RASA2: variants seen among roughly 807,000 people sequenced by gnomAD.
RASA2 encodes the protein RAS p21 protein activator 2, also known as ras GTPase-activating protein 2.
In RASA2, 155 loss-of-function variants were observed where a neutral mutation model predicts 118.2. That is an observed-to-expected ratio of 1.31 (90% CI 1.15 to 1.50). The LOEUF is 1.50. Among genes scored for constraint, RASA2 ranks in the 40% most tolerant of loss-of-function variants. The pLI is 0.00. For synonymous variants in RASA2, 353 were observed against 349.1 expected (o/e 1.01, Z -0.12); for missense variants, 1,016 against 1,009.6 (o/e 1.01, Z -0.09).
At chr3:141,539,491 G>A (rs2082375658) in intron 4 of RASA2, among the ~76,000 whole-genome samples, 1 of 152,074 alleles carries the variant, frequency 6.6e-6, no homozygotes, top group Non-Finnish European at 1.5e-5. Flanking sequence ...TAGTGAGGGT[G>A]TTTCAGGTTA....
chr3:141,559,304 T>C (rs1016516847), intron 8 of RASA2, among the ~76,000 whole-genome samples: 1 of 152,160 alleles, frequency 6.6e-6, no homozygotes, highest in South Asian at 2.1e-4. Flanking sequence ...AGAAATTTTT[T>C]TTTATTCTTC....
rs528237096 is a variant in RASA2, at chr3:141,526,322, C to G, written c.356-3386C>G. Among the ~76,000 whole-genome samples, 3 of 152,150 alleles carry G rather than the reference C, an allele frequency of 2.0e-5. No individual in the cohort carries two copies. The East Asian group carries it at 5.8e-4, about 29-fold the overall frequency. ...CCAGTTTAGTGATTAAACAACAAAT[C>G]AGAATCGTGAGGCTTTTTTTTTTAT... On this transcript the variant is annotated intron_variant, in intron 3 of 23. Coordinates refer to ENST00000286364, the MANE Select transcript of RASA2 (RefSeq NM_006506.5).
At chr3:141,528,179 C>G (rs1372048724) in intron 3 of RASA2, among the ~76,000 whole-genome samples, 2 of 151,706 alleles carry the variant, frequency 1.3e-5, no homozygotes, top group African/African-American at 4.8e-5. Flanking sequence ...AATACAGTTA[C>G]AAACTCTTTA....
intron 15 of RASA2, chr3:141,579,423 A>G (rs542499352): frequency 3.9e-5 from 6 of 152,206 alleles, no homozygotes; most frequent in Non-Finnish European, 8.8e-5. Context: ...GCTACTATAT[A>G]TTACTTCTTT....
At chr3:141,501,823 A>G (rs1031027338) in intron 1 of RASA2, among the ~76,000 whole-genome samples, 2 of 152,016 alleles carry the variant, frequency 1.3e-5, no homozygotes, top group African/African-American at 4.8e-5. Context: ...ACTATATCAT[A>G]TTTTTAAATG....
rs564412700 is a variant in RASA2 at position 141,536,799 on chromosome 3, G to T, written c.451-3734G>T. 3.6e-4 allele frequency among the ~76,000 whole-genome samples: 53 copies of T among 148,524 alleles called. No homozygotes were observed. In the South Asian group the frequency reaches 0.011, roughly 31 times the overall value. On this transcript the variant is annotated intron_variant, in intron 4 of 23. Transcript: ENST00000286364. ...TTTTTTGAGATGGAGTTCTGCTGGA[G>T]TGCAATGGTGTGATCTCAGTTCACC...
At chr3:141,496,715 T>C (rs2081707673) in intron 1 of RASA2, among the ~76,000 whole-genome samples, 1 of 152,192 alleles carries the variant, frequency 6.6e-6, no homozygotes, top group Admixed American at 6.5e-5. Flanking sequence ...ACACTGTTGG[T>C]GGGACTGTAA....
chr3:141,493,401 G>A (rs1250870747), intron 1 of RASA2, among the ~76,000 whole-genome samples: 1 of 152,164 alleles, frequency 6.6e-6, no homozygotes, highest in Non-Finnish European at 1.5e-5. Context: ...GCTATTTTCA[G>A]TTCTGACTGT....
intron 3 of RASA2, among the ~76,000 whole-genome samples, chr3:141,518,791 C>T (rs977898865): frequency 6.6e-6 from 1 of 152,102 alleles, no homozygotes; most frequent in East Asian, 1.9e-4. Flanking sequence ...GAAATAACTA[C>T]AGTTAATAAT....
chr3:141,549,725 G>A (rs1358791979), intron 5 of RASA2, among the ~76,000 whole-genome samples: 2 of 152,136 alleles, frequency 1.3e-5, no homozygotes, highest in Non-Finnish European at 2.9e-5. Context: ...CAGCATTAGT[G>A]CAGCTTCAGT....
chr3:141,565,024 C>T (rs895582407), intron 9 of RASA2, among the ~76,000 whole-genome samples: 4 of 152,090 alleles, frequency 2.6e-5, no homozygotes, highest in Admixed American at 6.5e-5. Context: ...CTCTCTCTGT[C>T]GCCCAGGCTG....
chr3:141,512,177 T>G lies in RASA2; in HGVS notation c.148T>G (p.Leu50Val), dbSNP rs865973122. 1.2e-5 allele frequency: 20 copies of G among 1,607,456 alleles called. No individual in the cohort carries two copies. In the African/African-American group the frequency reaches 1.6e-4, roughly 13 times the overall value. ...LRGKICEAKN[L>V]LPYLGPHKMR... The stretch of plus-strand genomic sequence containing the variant: ...TATGCCAACAGGTGAAGCAAAAAAT[T>G]TATTGCCATATCTTGGACCCCACAA... Residue 50 changes from leucine to valine, a missense_variant, in exon 2 of 24, where the codon TTA becomes GTA. Leu to Val is a conservative substitution (Grantham distance 32, BLOSUM62 1). Around this residue, in one of 2 missense-constraint regions of RASA2, gnomAD observed 896 missense variants for 836.4 expected, o/e 1.07. Transcript: ENST00000286364.
chr3:141,592,505 G>T (rs1008199998), intron 19 of RASA2, among the ~76,000 whole-genome samples: 2 of 152,116 alleles, frequency 1.3e-5, no homozygotes, highest in Admixed American at 6.5e-5. Flanking sequence ...TTAAGCAGAA[G>T]AATAACATTG....
chr3:141,499,287 T>C (rs538765047), intron 1 of RASA2, among the ~76,000 whole-genome samples: 9 of 152,332 alleles, frequency 5.9e-5, no homozygotes, highest in African/African-American at 2.2e-4. Flanking sequence ...CACTAGCCAT[T>C]GTCTTACTTA....
rs1365847933 is a variant in RASA2 at position 141,543,879 on chromosome 3, T to TC, written c.527+3270_527+3271insC. Among the ~76,000 whole-genome samples the TC allele has an allele frequency of 1.6e-3, 204 of 130,712 alleles. 2 individuals are homozygous for TC. The highest frequency in any genetic ancestry group is 4.7e-4 in the Non-Finnish European group (31 of 65,352). 85.8% of individuals were successfully genotyped at this position (130,712 alleles called of 152,430 possible). A position where few individuals can be genotyped will look rare whatever the true frequency, so the allele number is the denominator to read the frequency against. The stretch of plus-strand genomic sequence containing the variant: ...TTTCTTTCTTTCTTTCTTTTTTCTT[T>TC]TTTTTTTTTTTTTTGATATGGAGTC... On this transcript the variant is annotated intron_variant, in intron 5 of 23. Transcript: ENST00000286364.
chr3:141,489,223 T>C (rs1449300810), intron 1 of RASA2, among the ~76,000 whole-genome samples: 1 of 150,860 alleles, frequency 6.6e-6, no homozygotes, highest in African/African-American at 2.5e-5. Flanking sequence ...GAGTGTCTGC[T>C]TTCTAGAAAA....
intron 15 of RASA2, among the ~76,000 whole-genome samples, chr3:141,579,882 TC>T (rs1259873703): frequency 3.0e-4 from 46 of 151,156 alleles, no homozygotes; most frequent in African/African-American, 1.1e-3. Context: ...ATGGCAAAAC[TC>T]TGTTTCTACT....
intron 1 of RASA2, among the ~76,000 whole-genome samples, chr3:141,497,809 C>T (rs1310478439): frequency 2.0e-5 from 3 of 150,876 alleles, no homozygotes; most frequent in Non-Finnish European, 2.9e-5. Flanking sequence ...GAGGTTGAGG[C>T]TGCGGTGAGC....
chr3:141,582,672 A>G (rs2083133847), intron 17 of RASA2, among the ~76,000 whole-genome samples: 1 of 152,176 alleles, frequency 6.6e-6, no homozygotes, highest in Non-Finnish European at 1.5e-5. Flanking sequence ...ATTTGGTTCT[A>G]GATCCCTAAG....
Sources: allele counts gnomAD v4.1 joint callset (sites outside exome capture counted in the v4.1 genomes callset), GRCh38; gene constraint gnomAD v4.1.1; regional missense constraint gnomAD v4.1.1; transcripts MANE v1.5; gene names NCBI Gene and HGNC (gene_info 2026-07-23, HGNC 2026-07-21).